CA8: variants seen among roughly 807,000 people sequenced by gnomAD.
CA8 encodes carbonic anhydrase-related protein.
A neutral mutation model predicts 41.4 loss-of-function variants in CA8; 22 were observed. The observed-to-expected ratio is 0.53, with a 90% CI of 0.38 to 0.76. CA8 has a LOEUF of 0.76. Among genes scored for constraint, CA8 ranks in the 30% least tolerant of loss-of-function variants. CA8 has a pLI of 0.00. For missense variants in CA8, 270 were observed against 352.8 expected (o/e 0.77, Z 1.88); for synonymous variants, 121 against 130.6 (o/e 0.93, Z 0.50).
At chr8:60,266,178 A>G (rs992343980) in intron 2 of CA8, 129 bp from the exon 3 acceptor site, 3 of 831,146 alleles carry the variant, frequency 3.6e-6, no homozygotes, top group Non-Finnish European at 5.5e-6. Context: ...CAAAGCCAAA[A>G]TGAGAAATTT....
intron 8 of CA8, among the ~76,000 whole-genome samples, chr8:60,201,650 A>G (rs902901895): frequency 6.6e-6 from 1 of 152,222 alleles, no homozygotes; most frequent in Non-Finnish European, 1.5e-5. Context: ...ACAATAAAAT[A>G]TCTAAAATAT....
chr8:60,265,771 A>T, intron 3 of CA8, 154 bp downstream of exon 3: 1 of 804,016 alleles, frequency 1.2e-6, no homozygotes, highest in Non-Finnish European at 2.0e-6. Context: ...GTGCTGCCCT[A>T]GGCTTCCATT....
intron 8 of CA8, among the ~76,000 whole-genome samples, chr8:60,207,622 A>G (rs1806673090): frequency 6.6e-6 from 1 of 152,044 alleles, no homozygotes; most frequent in Non-Finnish European, 1.5e-5. Flanking sequence ...CCCTCATCCA[A>G]TTCATCACTA....
intron 3 of CA8, among the ~76,000 whole-genome samples, chr8:60,237,150 C>T (rs939187521): frequency 7.9e-5 from 12 of 152,186 alleles, no homozygotes; most frequent in African/African-American, 2.7e-4. Flanking sequence ...CTAGGAATCT[C>T]GTCTTAGATT....
intron 3 of CA8, among the ~76,000 whole-genome samples, chr8:60,262,345 A>T (rs1454634849): frequency 1.3e-5 from 2 of 151,958 alleles, no homozygotes; most frequent in Non-Finnish European, 2.9e-5. Flanking sequence ...CAAAAAAAAA[A>T]AAAAAAAAAT....
chr8:60,267,027 T>C (rs1803923965), intron 2 of CA8, among the ~76,000 whole-genome samples: 1 of 152,206 alleles, frequency 6.6e-6, no homozygotes, highest in Non-Finnish European at 1.5e-5. Context: ...GGGTTGCCTT[T>C]GAGGAGGACA....
chr8:60,279,632 A>G (rs1168651440), intron 2 of CA8, 57 bp downstream of exon 2: 3 of 1,442,614 alleles, frequency 2.1e-6, no homozygotes, highest in Non-Finnish European at 2.9e-6. Flanking sequence ...TCACAGTTCA[A>G]TAACTCTACG....
At chr8:60,200,646 C>T (rs998666304) in intron 8 of CA8, among the ~76,000 whole-genome samples, 1 of 152,140 alleles carries the variant, frequency 6.6e-6, no homozygotes, top group Admixed American at 6.5e-5. Flanking sequence ...TTCCAGGGCC[C>T]ATTTTTAAAA....
At chr8:60,255,829 A>C (rs1808616381) in intron 3 of CA8, among the ~76,000 whole-genome samples, 1 of 152,218 alleles carries the variant, frequency 6.6e-6, no homozygotes, top group African/African-American at 2.4e-5. Context: ...CTTCAAGTGA[A>C]TATCAGCTTT....
intron 3 of CA8, chr8:60,265,501 C>T (rs1803872882): frequency 5.7e-6 from 1 of 175,972 alleles, no homozygotes; most frequent in South Asian, 1.3e-4. Flanking sequence ...CCCCAAGTGG[C>T]TTGGGGTGAA....
chr8:60,216,066 A>T (rs12708001), intron 7 of CA8, among the ~76,000 whole-genome samples: 55,869 of 151,996 alleles, frequency 0.37, 10,730 homozygotes, highest in Admixed American at 0.45. Context: ...CCTGCCATTC[A>T]TTGTTCCTTT....
chr8:60,196,455 C>CA (rs1470136636), intron 8 of CA8, among the ~76,000 whole-genome samples: 1 of 151,904 alleles, frequency 6.6e-6, no homozygotes, highest in Non-Finnish European at 1.5e-5. Flanking sequence ...CTGTGTTCCC[C>CA]AAAAAGCCAT....
chr8:60,241,142 C>T (rs979418912), intron 3 of CA8, among the ~76,000 whole-genome samples: 5 of 152,178 alleles, frequency 3.3e-5, no homozygotes, highest in Non-Finnish European at 2.9e-5. Flanking sequence ...GATGCTGCTA[C>T]GCTTTAAGTC....
intron 3 of CA8, among the ~76,000 whole-genome samples, chr8:60,237,709 GA>G: frequency 6.6e-6 from 1 of 152,246 alleles, no homozygotes; most frequent in African/African-American, 2.4e-5. Context: ...CCCTCCTGCT[GA>G]AAGAATCTGC....
intron 6 of CA8, among the ~76,000 whole-genome samples, chr8:60,223,950 G>C (rs1807336524): frequency 1.3e-5 from 2 of 152,206 alleles, no homozygotes; most frequent in South Asian, 4.1e-4. Flanking sequence ...AGAAATACAA[G>C]TGGAATAATA....
At chr8:60,195,857 G>A (rs1413064085) in intron 8 of CA8, among the ~76,000 whole-genome samples, 4 of 152,012 alleles carry the variant, frequency 2.6e-5, no homozygotes, top group Admixed American at 6.6e-5. Flanking sequence ...TGACAGCATC[G>A]GGTCATGAGA....
rs867958016 is a variant in CA8, at chr8:60,279,725, C to A, written c.256G>T (p.Gly86Ter). 1 of 1,614,086 alleles carries A rather than the reference C, an allele frequency of 6.2e-7. No individual in the cohort carries two copies. Reference sequence around the variant, plus strand: ...TTCAGGATAACCTGAATGGTATGTCCATCATTGGTGACTTCACAGTCTCGG... The same window carrying A: ...TTCAGGATAACCTGAATGGTATGTCAATCATTGGTGACTTCACAGTCTCGG... ...VCRDCEVTND[G>*]HTIQVILKSK... is the part of the protein sequence containing the mutation. Residue 86 changes from glycine to a stop codon, truncating the protein, a stop_gained, in exon 2 of 9, where the codon GGA (glycine) becomes TGA (stop). Transcript: ENST00000317995. LOFTEE classifies it high-confidence loss of function.
chr8:60,249,534 C>T (rs1808369309), intron 3 of CA8, among the ~76,000 whole-genome samples: 1 of 152,176 alleles, frequency 6.6e-6, no homozygotes, highest in Non-Finnish European at 1.5e-5. Flanking sequence ...ATTTTCACTA[C>T]AATCCAAATG....
At chr8:60,280,822 G>A (rs1049545217) in intron 1 of CA8, among the ~76,000 whole-genome samples, 1 of 152,010 alleles carries the variant, frequency 6.6e-6, no homozygotes, top group Non-Finnish European at 1.5e-5. Context: ...AAGGCTCCCG[G>A]GTGAGAGCGC....
Sources: allele counts gnomAD v4.1 joint callset (sites outside exome capture counted in the v4.1 genomes callset), GRCh38; gene constraint gnomAD v4.1.1; transcripts MANE v1.5; gene names NCBI Gene and HGNC (gene_info 2026-07-23, HGNC 2026-07-21).